Variants in SGCZ observed in about 807,000 individuals in gnomAD.
SGCZ encodes sarcoglycan zeta.
In SGCZ, 40 loss-of-function variants were observed where a neutral mutation model predicts 41.3. The observed-to-expected ratio is 0.97, with a 90% confidence interval of 0.75 to 1.26. SGCZ has a LOEUF of 1.26. Ranked by LOEUF, SGCZ falls within the 50% of genes most tolerant of loss-of-function variation. SGCZ has a pLI of 0.00. For missense variants in SGCZ, 552 were observed against 369.8 expected (o/e 1.49, Z -4.04); for synonymous variants, 206 against 137.5 (o/e 1.50, Z -3.49).
chr8:14,386,999 CAAAGT>C (rs1804600744), intron 2 of SGCZ, among the ~76,000 whole-genome samples: 2 of 152,048 alleles, frequency 1.3e-5, no homozygotes, highest in African/African-American at 2.4e-5. Flanking sequence ...TGATGTTTGC[CAAAGT>C]AAAGTACTTA....
intron 1 of SGCZ, among the ~76,000 whole-genome samples, chr8:14,909,127 A>C (rs1170171703): frequency 1.3e-5 from 2 of 152,178 alleles, no homozygotes; most frequent in Admixed American, 1.3e-4. Context: ...CTATTAATCC[A>C]TTCAGTTAAT....
At chr8:15,165,647 G>A (rs1799644573) in intron 1 of SGCZ, among the ~76,000 whole-genome samples, 2 of 152,296 alleles carry the variant, frequency 1.3e-5, no homozygotes, top group East Asian at 1.9e-4. Flanking sequence ...GAAACTACTA[G>A]AAATATATTT....
chr8:14,399,180 T>C (rs529196315), intron 2 of SGCZ, among the ~76,000 whole-genome samples: 47 of 152,268 alleles, frequency 3.1e-4, no homozygotes, highest in African/African-American at 1.1e-3. Context: ...TGTGTATCTT[T>C]CATCAGATTA....
chr8:14,414,980 C>T (rs1181665896), intron 2 of SGCZ, among the ~76,000 whole-genome samples: 2 of 151,820 alleles, frequency 1.3e-5, no homozygotes, highest in Non-Finnish European at 2.9e-5. Context: ...TTTCTTAGTT[C>T]ATTTAATAAT....
chr8:15,067,789 G>A (rs1805207517), intron 1 of SGCZ, among the ~76,000 whole-genome samples: 1 of 152,054 alleles, frequency 6.6e-6, no homozygotes, highest in Admixed American at 6.5e-5. Flanking sequence ...GAAATTAAAG[G>A]TGAGCCATCA....
At chr8:14,354,610 A>C (rs1403490840) in intron 2 of SGCZ, among the ~76,000 whole-genome samples, 1 of 151,742 alleles carries the variant, frequency 6.6e-6, no homozygotes, top group Non-Finnish European at 1.5e-5. Context: ...AGAGTTTACA[A>C]CATAAACCAT....
chr8:15,154,281 T>A (rs974381922), intron 1 of SGCZ, among the ~76,000 whole-genome samples: 2 of 152,188 alleles, frequency 1.3e-5, no homozygotes, highest in Admixed American at 1.3e-4. Flanking sequence ...TATTTCTCAC[T>A]CAAAGTACCT....
At chr8:15,172,164 T>TTTATTTATTTA (rs1799857123) in intron 1 of SGCZ, among the ~76,000 whole-genome samples, 1 of 108,564 alleles carries the variant, frequency 9.2e-6, no homozygotes, top group Non-Finnish European at 2.0e-5. Flanking sequence ...GTTTTTTTTT[T>TTTATTTATTTA]TTTTTTTTTT....
intron 4 of SGCZ, among the ~76,000 whole-genome samples, chr8:14,204,286 T>TC: frequency 6.6e-6 from 1 of 151,648 alleles, no homozygotes; most frequent in East Asian, 1.9e-4. Context: ...GAATGTTTTT[T>TC]TTTTTTTCTT....
chr8:14,745,282 G>T lies in SGCZ; in HGVS notation c.40-190356C>A, dbSNP rs545625623. ...CATCTTAACCCACACTCTGAGATAT[G>T]TCCAAGGTGCCAAATGCATGGCAGT... On this transcript the variant is annotated intron_variant, in intron 1 of 7. Transcript: ENST00000382080. 2.0e-5 allele frequency among the ~76,000 whole-genome samples: 3 copies of T among 152,228 alleles called. No individual in the cohort carries two copies. In the South Asian group the frequency reaches 6.2e-4, roughly 32 times the overall value.
rs187040867 is a variant in SGCZ at position 14,686,254 on chromosome 8, A to G, written c.40-131328T>C. Among the ~76,000 whole-genome samples the G allele has an allele frequency of 2.0e-4, 31 of 152,288 alleles. No homozygotes were observed. In the East Asian group the frequency reaches 6.0e-3, roughly 29 times the overall value. On this transcript the variant is annotated intron_variant, in intron 1 of 7. Coordinates refer to ENST00000382080, the MANE Select transcript of SGCZ (RefSeq NM_139167.4). ...ACCCTGATCAGGTTATAGAAAGGAT[A>G]TCCAAATGAATAATTGCTGTAATAT... is the stretch of plus-strand genomic sequence containing the variant.
intron 1 of SGCZ, among the ~76,000 whole-genome samples, chr8:15,160,335 T>C (rs887274773): frequency 6.6e-6 from 1 of 152,208 alleles, no homozygotes; most frequent in African/African-American, 2.4e-5. Flanking sequence ...CTTTGTAAAT[T>C]TGAATAATAT....
intron 1 of SGCZ, among the ~76,000 whole-genome samples, chr8:14,829,158 C>T (rs1170981302): frequency 1.4e-5 from 2 of 146,546 alleles, no homozygotes; most frequent in Non-Finnish European, 3.1e-5. Context: ...AAGGTCAGTA[C>T]CGATTATTTA....
At position 15,046,254 on chromosome 8, in the gene SGCZ, C is replaced by G. The variant is rs142590299; in HGVS notation, c.39+191331G>C. ...ACATATACCATGGAACACTGAAGAA[C>G]GAGTAAGTGCTAGATAAACAAGTAT... is the stretch of plus-strand genomic sequence containing the variant. On this transcript the variant is annotated intron_variant, in intron 1 of 7. Coordinates refer to ENST00000382080, the MANE Select transcript of SGCZ (RefSeq NM_139167.4). 2.5e-4 allele frequency among the ~76,000 whole-genome samples: 38 copies of G among 151,976 alleles called. No individual in the cohort carries two copies. The East Asian group carries it at 7.0e-3, about 28-fold the overall frequency.
At chr8:15,214,317 G>C (rs1489759249) in intron 1 of SGCZ, among the ~76,000 whole-genome samples, 2 of 152,020 alleles carry the variant, frequency 1.3e-5, no homozygotes, top group Non-Finnish European at 2.9e-5. Context: ...AGCCTGAAAA[G>C]CATACAAATA....
rs562757314 is a variant in SGCZ at position 14,809,017 on chromosome 8, G to T, written c.40-254091C>A. ...ACACCGCATATTCTCACTCATAGGT[G>T]GGAATTGAACAATGAGATCAAATGG... is the stretch of plus-strand genomic sequence containing the variant. On this transcript the variant is annotated intron_variant, in intron 1 of 7. Transcript: ENST00000382080. 1.4e-3 allele frequency among the ~76,000 whole-genome samples: 208 copies of T among 151,002 alleles called. 1 individual carries two copies. The highest frequency in any genetic ancestry group is 6.9e-3 in the Middle Eastern group (2 of 290).
At chr8:15,126,782 T>G (rs1193076753) in intron 1 of SGCZ, among the ~76,000 whole-genome samples, 1 of 151,940 alleles carries the variant, frequency 6.6e-6, no homozygotes, top group African/African-American at 2.4e-5. Context: ...TAAGGATGAC[T>G]GAAGCATTGG....
chr8:14,573,812 A>T (rs1804631194), intron 1 of SGCZ, among the ~76,000 whole-genome samples: 1 of 152,160 alleles, frequency 6.6e-6, no homozygotes, highest in Non-Finnish European at 1.5e-5. Flanking sequence ...GGAATTGGTT[A>T]GTGTTTGAGA....
rs1276461818 is a variant in SGCZ, at chr8:14,342,258, A to G, written c.235-18054T>C. On this transcript the variant is annotated intron_variant, in intron 2 of 7. Coordinates refer to ENST00000382080, the MANE Select transcript of SGCZ (RefSeq NM_139167.4). ...ATTGGCAGCATTTTGCTCCTGCCCT[A>G]GAGATTTGTGGAACTTTGAATTTTG... Among the ~76,000 whole-genome samples the G allele has an allele frequency of 2.0e-5, 3 of 152,178 alleles. No individual in the cohort carries two copies. In the East Asian group the frequency reaches 5.8e-4, roughly 29 times the overall value.
Sources: gnomAD v4.1 joint callset for allele counts (sites outside exome capture counted in the v4.1 genomes callset) on GRCh38, gnomAD v4.1.1 for gene constraint, MANE v1.5 for transcripts, NCBI Gene and HGNC (gene_info 2026-07-23, HGNC 2026-07-21) for gene names.